GABRG3: variants seen among roughly 807,000 people sequenced by gnomAD.
GABRG3 encodes the protein gamma-aminobutyric acid type A receptor subunit gamma3, also known as gamma-aminobutyric acid receptor subunit gamma-3.
In GABRG3, 25 loss-of-function variants were observed where a neutral mutation model predicts 48.8. The ratio of observed to expected loss-of-function variants is 0.51; its 90% CI spans 0.37 to 0.72. The LOEUF (loss-of-function observed/expected upper bound fraction) is 0.72. Among genes scored for constraint, GABRG3 ranks in the 30% least tolerant of loss-of-function variants. GABRG3 has a pLI of 0.00. For synonymous variants in GABRG3, 227 were observed against 217.6 expected (o/e 1.04, Z -0.38); for missense variants, 394 against 577.9 (o/e 0.68, Z 3.26).
At chr15:27,456,612 G>A (rs1889287246) in intron 5 of GABRG3, among the ~76,000 whole-genome samples, 1 of 152,216 alleles carries the variant, frequency 6.6e-6, no homozygotes, top group African/African-American at 2.4e-5. Flanking sequence ...CACGGACAAA[G>A]GAAGGAGGAT....
chr15:27,333,097 G>C (rs1893854587), intron 5 of GABRG3, among the ~76,000 whole-genome samples: 1 of 151,998 alleles, frequency 6.6e-6, no homozygotes, highest in Non-Finnish European at 1.5e-5. Context: ...ATGGACTCTT[G>C]GACAAACATT....
At chr15:27,257,784 G>A (rs1163622164) in intron 3 of GABRG3, among the ~76,000 whole-genome samples, 1 of 151,900 alleles carries the variant, frequency 6.6e-6, no homozygotes. Flanking sequence ...AAGTAGCTGG[G>A]ACTATGTGCA....
At chr15:27,333,152 A>G (rs1893855812) in intron 5 of GABRG3, among the ~76,000 whole-genome samples, 1 of 152,210 alleles carries the variant, frequency 6.6e-6, no homozygotes, top group African/African-American at 2.4e-5. Flanking sequence ...TAGTGTACTC[A>G]TAGAAACTGA....
At chr15:27,455,627 T>C (rs1314006207) in intron 5 of GABRG3, among the ~76,000 whole-genome samples, 1 of 151,574 alleles carries the variant, frequency 6.6e-6, no homozygotes, top group African/African-American at 2.4e-5. Context: ...GCATGGTATA[T>C]GTATGCCGTG....
chr15:27,366,215 G>C (rs1015613851), intron 5 of GABRG3: 2 of 152,166 alleles, frequency 1.3e-5, no homozygotes, highest in African/African-American at 2.4e-5. Context: ...CAGGCATGTG[G>C]ACTCGGGAGA....
intron 3 of GABRG3, among the ~76,000 whole-genome samples, chr15:27,134,172 T>C (rs1048500275): frequency 6.6e-6 from 1 of 152,160 alleles, no homozygotes; most frequent in Non-Finnish European, 1.5e-5. Context: ...GAGTTACGAA[T>C]GTTAGGAAAT....
At chr15:27,167,544 A>C (rs76563874) in intron 3 of GABRG3, among the ~76,000 whole-genome samples, 1 of 152,308 alleles carries the variant, frequency 6.6e-6, no homozygotes, top group East Asian at 1.9e-4. Flanking sequence ...GGCTAAAACT[A>C]ATCAGATTTT....
chr15:27,212,933 A>G (rs1044089672), intron 3 of GABRG3, among the ~76,000 whole-genome samples: 5 of 152,226 alleles, frequency 3.3e-5, no homozygotes, highest in Non-Finnish European at 7.3e-5. Flanking sequence ...TGAAGGCTGA[A>G]TAATATTCTA....
At chr15:27,109,026 A>G (rs1052038643) in intron 3 of GABRG3, among the ~76,000 whole-genome samples, 8 of 152,208 alleles carry the variant, frequency 5.3e-5, no homozygotes, top group Non-Finnish European at 8.8e-5. Context: ...CTATATTATT[A>G]TGAGCATTTG....
chr15:27,064,137 G>A (rs1896697907), intron 3 of GABRG3, among the ~76,000 whole-genome samples: 1 of 152,266 alleles, frequency 6.6e-6, no homozygotes, highest in Non-Finnish European at 1.5e-5. Flanking sequence ...GTGGCAGAGA[G>A]TGCAGGGTGG....
chr15:27,068,022 A>C (rs1299632769), intron 3 of GABRG3, among the ~76,000 whole-genome samples: 1 of 152,230 alleles, frequency 6.6e-6, no homozygotes, highest in Non-Finnish European at 1.5e-5. Context: ...TAGCAGAGAA[A>C]AGGAGCACAT....
At chr15:27,495,575 ATTCT>A (rs1332233912) in intron 6 of GABRG3, among the ~76,000 whole-genome samples, 1 of 152,230 alleles carries the variant, frequency 6.6e-6, no homozygotes, top group Non-Finnish European at 1.5e-5. Context: ...CTGTTGTATA[ATTCT>A]TTCCACTGAT....
intron 3 of GABRG3, among the ~76,000 whole-genome samples, chr15:27,063,976 T>C (rs551619322): frequency 1.3e-5 from 2 of 152,200 alleles, no homozygotes; most frequent in Non-Finnish European, 2.9e-5. Flanking sequence ...CATCCCTTAC[T>C]GCCCTCTAGG....
intron 3 of GABRG3, among the ~76,000 whole-genome samples, chr15:27,113,784 T>C (rs994227783): frequency 1.3e-5 from 2 of 152,194 alleles, no homozygotes; most frequent in Admixed American, 1.3e-4. Flanking sequence ...TAATCGCAGG[T>C]GGGGATGTGA....
intron 5 of GABRG3, among the ~76,000 whole-genome samples, chr15:27,333,621 G>C (rs183756532): frequency 6.6e-6 from 1 of 152,148 alleles, no homozygotes; most frequent in Non-Finnish European, 1.5e-5. Flanking sequence ...TTTCTGCCGC[G>C]TAAAGTGACA....
chr15:27,391,556 C>T (rs777513364), intron 5 of GABRG3, among the ~76,000 whole-genome samples: 1 of 152,124 alleles, frequency 6.6e-6, no homozygotes, highest in Non-Finnish European at 1.5e-5. Context: ...TAATATGCAA[C>T]TGAAAGTACA....
chr15:27,298,981 C>A (rs894100812), intron 3 of GABRG3, among the ~76,000 whole-genome samples: 1 of 152,142 alleles, frequency 6.6e-6, no homozygotes, highest in Non-Finnish European at 1.5e-5. Flanking sequence ...TTTTTATCTC[C>A]CATTGTGTAA....
intron 6 of GABRG3, among the ~76,000 whole-genome samples, chr15:27,498,542 C>G (rs1021527369): frequency 2.0e-5 from 3 of 151,892 alleles, no homozygotes; most frequent in Non-Finnish European, 4.4e-5. Context: ...GTCTCCCAGG[C>G]TGGAGTGCAG....
chr15:27,188,603 G>C (rs1226672616), intron 3 of GABRG3, among the ~76,000 whole-genome samples: 2 of 151,040 alleles, frequency 1.3e-5, no homozygotes, highest in Non-Finnish European at 3.0e-5. Context: ...ATTTGTTTGA[G>C]TTCATTGTAG....
Sources: gnomAD v4.1 joint callset for allele counts (sites outside exome capture counted in the v4.1 genomes callset) on GRCh38, gnomAD v4.1.1 for gene constraint, MANE v1.5 for transcripts, NCBI Gene and HGNC (gene_info 2026-07-23, HGNC 2026-07-21) for gene names.